Variants in MCTP2 observed in about 807,000 individuals in gnomAD.
MCTP2 encodes multiple C2 and transmembrane domain-containing protein 2.
A neutral mutation model predicts 111.6 loss-of-function variants in MCTP2; 132 were observed. The ratio of observed to expected loss-of-function variants is 1.18; its 90% CI spans 1.03 to 1.37. MCTP2 has a LOEUF of 1.37. MCTP2 is among the 40% of genes most tolerant of loss of function. The probability of loss-of-function intolerance (pLI) is 0.00; values close to 1 mark genes in which losing one functional copy is unlikely to be tolerated. For synonymous variants in MCTP2, 395 were observed against 387.7 expected, an observed-to-expected ratio of 1.02 and a Z score of -0.22; for missense variants, 1,183 against 1,067.9, an observed-to-expected ratio of 1.11 and a Z score of -1.50.
intron 22 of MCTP2, among the ~76,000 whole-genome samples, chr15:94,477,284 C>T (rs1475929162): frequency 6.6e-6 from 1 of 152,188 alleles, no homozygotes; most frequent in Admixed American, 6.5e-5. Context: ...GCTGAGAATG[C>T]AGCCCCCATT....
intron 1 of MCTP2, among the ~76,000 whole-genome samples, chr15:94,266,234 A>C (rs1019619154): frequency 6.6e-6 from 1 of 152,238 alleles, no homozygotes; most frequent in South Asian, 2.1e-4. Context: ...TCTATGGATT[A>C]TGTGAGGGGG....
chr15:94,244,961 C>T (rs1414146964), intron 1 of MCTP2, among the ~76,000 whole-genome samples: 2 of 96,904 alleles, frequency 2.1e-5, no homozygotes, highest in East Asian at 2.6e-4. Context: ...TGTTTATATA[C>T]GTATATGTAT....
intron 21 of MCTP2, among the ~76,000 whole-genome samples, chr15:94,475,373 A>G (rs1160198135): frequency 6.6e-6 from 1 of 152,194 alleles, no homozygotes; most frequent in Non-Finnish European, 1.5e-5. Flanking sequence ...GCAGATGTAA[A>G]TCTGACCCTC....
chr15:94,432,047 G>T (rs1347145959), intron 17 of MCTP2, among the ~76,000 whole-genome samples: 1 of 152,080 alleles, frequency 6.6e-6, no homozygotes, highest in African/African-American at 2.4e-5. Flanking sequence ...GCCCTCTTAA[G>T]TATTCATACA....
chr15:94,263,098 G>T (rs1456832221), intron 1 of MCTP2, among the ~76,000 whole-genome samples: 3 of 152,210 alleles, frequency 2.0e-5, no homozygotes, highest in African/African-American at 7.2e-5. Flanking sequence ...TAAAGAAGGA[G>T]AGTCAGACTC....
intron 8 of MCTP2, among the ~76,000 whole-genome samples, chr15:94,347,476 A>G (rs1289566781): frequency 1.3e-5 from 2 of 152,148 alleles, no homozygotes; most frequent in East Asian, 1.9e-4. Flanking sequence ...CCATAAATCT[A>G]TAATTTTGCA....
At chr15:94,465,057 C>T (rs944051733) in intron 20 of MCTP2, among the ~76,000 whole-genome samples, 3 of 152,126 alleles carry the variant, frequency 2.0e-5, no homozygotes, top group Admixed American at 6.5e-5. Flanking sequence ...ACTTCACTGT[C>T]GTTGTACATT....
At chr15:94,379,561 C>G (rs1446491313) in intron 12 of MCTP2, among the ~76,000 whole-genome samples, 1 of 151,694 alleles carries the variant, frequency 6.6e-6, no homozygotes, top group East Asian at 1.9e-4. Flanking sequence ...AGGGTGGTTC[C>G]TGGCTCCTGG....
chr15:94,467,405 GTTAC>G (rs201253697), intron 20 of MCTP2, among the ~76,000 whole-genome samples: 1,085 of 70,870 alleles, frequency 0.015, 15 homozygotes, highest in African/African-American at 0.058. Flanking sequence ...TGATATAGTT[GTTAC>G]TTACTTTTAT....
At chr15:94,362,930 T>C (rs1463563940) in intron 10 of MCTP2, among the ~76,000 whole-genome samples, 2 of 152,154 alleles carry the variant, frequency 1.3e-5, no homozygotes. Flanking sequence ...GAGGCTGGCT[T>C]TAATATATGC....
Position 94,358,486 on chromosome 15 carries a change from TGTGTAAGA to T in MCTP2, c.1179_1186del (p.Asn397ValfsTer6), listed in dbSNP as rs2078750025. ...TTATAACTGCATGTTTTCTAGACAC[TGTGTAAGA>T]GTGCAAATCCGCAGTGGCAGGAACA... On this transcript the variant is annotated frameshift_variant, in exon 10 of 23. Transcript: ENST00000357742. LOFTEE classifies it high-confidence loss of function. 1.9e-6 allele frequency: 3 copies of T among 1,612,622 alleles called. No individual in the cohort carries two copies. The highest frequency in any genetic ancestry group is 1.7e-4 in the Middle Eastern group (1 of 6,052).
At chr15:94,410,886 A>G (rs1596623288) in intron 17 of MCTP2, among the ~76,000 whole-genome samples, 2 of 152,278 alleles carry the variant, frequency 1.3e-5, no homozygotes, top group Non-Finnish European at 1.5e-5. Context: ...TCCAAAAACA[A>G]CCTGGCAGCT....
chr15:94,247,294 C>T (rs760202829), intron 1 of MCTP2, among the ~76,000 whole-genome samples: 1 of 152,088 alleles, frequency 6.6e-6, no homozygotes, highest in Non-Finnish European at 1.5e-5. Flanking sequence ...TCACCTGCTG[C>T]CCTTTCTTAG....
chr15:94,250,375 C>G (rs1180562310), intron 1 of MCTP2, among the ~76,000 whole-genome samples: 1 of 152,122 alleles, frequency 6.6e-6, no homozygotes, highest in Non-Finnish European at 1.5e-5. Context: ...AGATTCTATC[C>G]TTCACTTGTG....
chr15:94,245,018 A>G (rs960361120), intron 1 of MCTP2, among the ~76,000 whole-genome samples: 1 of 149,454 alleles, frequency 6.7e-6, no homozygotes, highest in Non-Finnish European at 1.5e-5. Context: ...ATACACATAC[A>G]TATGCACCTA....
intron 17 of MCTP2, among the ~76,000 whole-genome samples, chr15:94,409,609 A>G (rs193166555): frequency 9.7e-4 from 147 of 152,102 alleles, no homozygotes; most frequent in African/African-American, 2.9e-3. Flanking sequence ...AGGATCTTCA[A>G]TCTTAAAGAA....
intron 19 of MCTP2, 127 bp from the exon 20 acceptor site, chr15:94,458,010 C>T: frequency 1.7e-6 from 1 of 595,926 alleles, no homozygotes; most frequent in South Asian, 2.1e-5. Context: ...AGTTGTAAAA[C>T]AATGATTTAT....
intron 4 of MCTP2, among the ~76,000 whole-genome samples, chr15:94,338,058 A>C (rs938044025): frequency 6.6e-5 from 10 of 152,294 alleles, no homozygotes; most frequent in African/African-American, 2.4e-4. Flanking sequence ...ATGGATATTA[A>C]TGATTTGATA....
At chr15:94,380,214 A>T (rs1439111084) in intron 12 of MCTP2, among the ~76,000 whole-genome samples, 1 of 152,128 alleles carries the variant, frequency 6.6e-6, no homozygotes, top group South Asian at 2.1e-4. Flanking sequence ...TTAAGTGAAT[A>T]TGCATGCTGA....
Sources: allele counts gnomAD v4.1 joint callset (sites outside exome capture counted in the v4.1 genomes callset), GRCh38; gene constraint gnomAD v4.1.1; transcripts MANE v1.5; gene names NCBI Gene and HGNC (gene_info 2026-07-23, HGNC 2026-07-21).